The following LNPK variants were observed in gnomAD, a reference collection of about 807,000 sequenced individuals.
The protein encoded by LNPK is endoplasmic reticulum junction formation protein lunapark.
In LNPK, 29 loss-of-function variants were observed where a neutral mutation model predicts 55.2. That is an observed-to-expected ratio of 0.53 (90% CI 0.39 to 0.72). The LOEUF (loss-of-function observed/expected upper bound fraction) is 0.72. Ranked by LOEUF, LNPK falls within the 30% of genes least tolerant of loss-of-function variation. The pLI, the probability that LNPK is intolerant of heterozygous loss-of-function variation, is 0.00. For missense variants in LNPK, 467 were observed against 494.8 expected (o/e 0.94, Z 0.53); for synonymous variants, 162 against 168.2 (o/e 0.96, Z 0.29).
chr2:175,950,124 G>A (rs1165741092), intron 8 of LNPK, among the ~76,000 whole-genome samples: 4 of 152,014 alleles, frequency 2.6e-5, no homozygotes, highest in South Asian at 2.1e-4. Context: ...ATTCTCAACC[G>A]TAGTATGTTT....
chr2:175,938,421 T>C (rs777337748), intron 10 of LNPK, 38 bp from the exon 11 acceptor site: 6 of 1,217,126 alleles, frequency 4.9e-6, no homozygotes, highest in Middle Eastern at 1.9e-4. Flanking sequence ...CAGTTACAAA[T>C]GCAAACAAAG....
chr2:175,967,329 A>C (rs1402179145), intron 6 of LNPK, among the ~76,000 whole-genome samples: 1 of 152,156 alleles, frequency 6.6e-6, no homozygotes, highest in Non-Finnish European at 1.5e-5. Flanking sequence ...ATATTTCTAT[A>C]ACATGTAAAA....
chr2:175,954,752 A>C (rs1304190839), intron 8 of LNPK, among the ~76,000 whole-genome samples: 1 of 152,220 alleles, frequency 6.6e-6, no homozygotes, highest in African/African-American at 2.4e-5. Flanking sequence ...TATAACATTT[A>C]AACAAAATAC....
At position 175,937,330 on chromosome 2, in the gene LNPK, T is replaced by C. The variant is rs773161506; in HGVS notation, c.1054+14A>G. 7 of 1,608,010 alleles carry C rather than the reference T, an allele frequency of 4.4e-6. No homozygotes were observed. The South Asian group carries it at 5.6e-5, about 13-fold the overall frequency. On this transcript the variant is annotated intron_variant, in intron 12 of 12. Coordinates refer to ENST00000272748, the MANE Select transcript of LNPK (RefSeq NM_030650.3). ...CATGTTATTAAGGGGCAAAACTGTT[T>C]AACATATTCATACCTTCATTAAACT...
At chr2:175,977,500 A>G (rs1686963687) in intron 5 of LNPK, among the ~76,000 whole-genome samples, 1 of 152,242 alleles carries the variant, frequency 6.6e-6, no homozygotes, top group Admixed American at 6.5e-5. Flanking sequence ...TAAAGCAAAT[A>G]AAACTAAAAA....
intron 8 of LNPK, among the ~76,000 whole-genome samples, chr2:175,949,984 C>T (rs1305743570): frequency 6.6e-6 from 1 of 151,932 alleles, no homozygotes; most frequent in Non-Finnish European, 1.5e-5. Context: ...TTCCAGTACT[C>T]AACAAAATAG....
At chr2:175,947,235 G>T (rs1349046942) in intron 9 of LNPK, among the ~76,000 whole-genome samples, 1 of 152,086 alleles carries the variant, frequency 6.6e-6, no homozygotes, top group African/African-American at 2.4e-5. Flanking sequence ...ATAATACAAA[G>T]TTTTATTGCT....
intron 5 of LNPK, 23 bp from the exon 6 acceptor site, chr2:175,970,827 A>C: frequency 7.1e-7 from 1 of 1,406,220 alleles, no homozygotes; most frequent in Non-Finnish European, 9.5e-7. Flanking sequence ...ATTTAAATCA[A>C]AGATTAAGAT....
chr2:175,990,595 A>C (rs6433567), intron 4 of LNPK, among the ~76,000 whole-genome samples: 110,638 of 152,118 alleles, frequency 0.73, 40,841 homozygotes, highest in Admixed American at 0.8. Flanking sequence ...CAAAAGGCAA[A>C]AACTCACATT....
chr2:175,961,393 T>A (rs1008114417), intron 8 of LNPK, among the ~76,000 whole-genome samples: 1 of 152,160 alleles, frequency 6.6e-6, no homozygotes, highest in Non-Finnish European at 1.5e-5. Context: ...CAAGGCTGGT[T>A]CAACATATGC....
chr2:175,937,458 C>G lies in LNPK; in HGVS notation c.940G>C (p.Ala314Pro). ...AAACTAAACTCAGGAAGTCTTGGAG[C>G]CTGAGGTCTGGTTTTTCTTGCAGGG... ...LNPARKTRPQ[A>P]PRLPEFSFEK... Residue 314 changes from alanine (A) to proline (P), a missense_variant, in exon 12 of 13, where the codon GCT becomes CCT. Physicochemically the swap from Ala to Pro is conservative, Grantham distance 27 (BLOSUM62 -1). Transcript: ENST00000272748. 1 of 1,613,626 alleles carries G rather than the reference C, an allele frequency of 6.2e-7. No individual in the cohort carries two copies. The highest frequency in any genetic ancestry group is 8.5e-7 in the Non-Finnish European group (1 of 1,179,694).
At chr2:176,002,592 G>A (rs780328287), upstream of LNPK, 132 of 192,350 alleles carry the variant, frequency 6.9e-4, 2 homozygotes, top group Non-Finnish European at 2.2e-4. Flanking sequence ...TGGTCCTGGT[G>A]GTCTCAGACC....
chr2:175,938,247 G>C, intron 11 of LNPK, 66 bp downstream of exon 11: 1 of 997,948 alleles, frequency 1.0e-6, no homozygotes. Flanking sequence ...ACACTGCATA[G>C]AAAATGGCAT....
chr2:175,997,392 C>T (rs182659157), intron 1 of LNPK, among the ~76,000 whole-genome samples: 16 of 152,188 alleles, frequency 1.1e-4, no homozygotes, highest in Admixed American at 9.8e-4. Flanking sequence ...AATCTAAAAA[C>T]CCTCTTGAGA....
chr2:175,995,521 T>C (rs754773891), intron 2 of LNPK, 37 bp downstream of exon 2: 5 of 1,541,718 alleles, frequency 3.2e-6, no homozygotes, highest in Non-Finnish European at 4.4e-6. Flanking sequence ...ACTTTTATAT[T>C]AGACTCAAGA....
intron 11 of LNPK, 38 bp from the exon 12 acceptor site, chr2:175,937,552 C>T (rs1162534492): frequency 1.3e-6 from 2 of 1,518,262 alleles, no homozygotes; most frequent in Admixed American, 1.8e-5. Context: ...AAACCACAAA[C>T]CAAGCAAAGT....
At chr2:175,968,624 T>TATA (rs568711114) in intron 6 of LNPK, among the ~76,000 whole-genome samples, 1 of 152,214 alleles carries the variant, frequency 6.6e-6, no homozygotes, top group Non-Finnish European at 1.5e-5. Context: ...TTCCTAACTT[T>TATA]ATAATAATAA....
intron 9 of LNPK, among the ~76,000 whole-genome samples, chr2:175,942,325 A>C (rs1357913886): frequency 1.3e-5 from 2 of 152,198 alleles, no homozygotes; most frequent in Non-Finnish European, 2.9e-5. Context: ...AAGAGATTTG[A>C]GCATCCGTGG....
At chr2:175,980,233 CTTAAT>C (rs1687106779) in intron 4 of LNPK, among the ~76,000 whole-genome samples, 1 of 152,190 alleles carries the variant, frequency 6.6e-6, no homozygotes, top group South Asian at 2.1e-4. Context: ...ATTCCAAAAA[CTTAAT>C]TTGTCTATTC....
Sources: allele counts gnomAD v4.1 joint callset (sites outside exome capture counted in the v4.1 genomes callset), GRCh38; gene constraint gnomAD v4.1.1; transcripts MANE v1.5; gene names NCBI Gene and HGNC (gene_info 2026-07-23, HGNC 2026-07-21).